Variants in PLA2G4F observed in about 807,000 individuals in gnomAD.
The protein encoded by PLA2G4F is phospholipase A2 group IVF.
A neutral mutation model predicts 103.1 loss-of-function variants in PLA2G4F; 105 were observed. The ratio of observed to expected loss-of-function variants is 1.02; its 90% CI spans 0.87 to 1.20. The LOEUF (loss-of-function observed/expected upper bound fraction) is 1.20. Among genes scored for constraint, PLA2G4F ranks in the 50% most tolerant of loss-of-function variants. The pLI, the probability that PLA2G4F is intolerant of heterozygous loss-of-function variation, is 0.00. For missense variants in PLA2G4F, 1,155 were observed against 1,075.9 expected, an observed-to-expected ratio of 1.07 and a Z score of -1.03; for synonymous variants, 468 against 441.1, an observed-to-expected ratio of 1.06 and a Z score of -0.76.
chr15:42,149,520 A>G (rs1414914249), intron 11 of PLA2G4F, 193 bp downstream of exon 11: 2 of 985,322 alleles, frequency 2.0e-6, no homozygotes, highest in Non-Finnish European at 2.4e-6. Flanking sequence ...GGCGGCCCAC[A>G]TAGACATCCA....
rs373649220 is a variant in PLA2G4F at position 42,144,966 on chromosome 15, A to G, written c.1781-322T>C. On this transcript the variant is annotated intron_variant, in intron 16 of 19. Transcript: ENST00000397272. The stretch of plus-strand genomic sequence containing the variant: ...ATTAAACACTGACTGAGCAATTACT[A>G]TGCCCAGCACTGCACTAGGCATGAG... Among the ~76,000 whole-genome samples, 11 of 152,366 alleles carry G rather than the reference A, an allele frequency of 7.2e-5. No individual in the cohort carries two copies. The East Asian group carries it at 1.2e-3, about 16-fold the overall frequency.
chr15:42,149,466 T>A, intron 11 of PLA2G4F: 7 of 976,606 alleles, frequency 7.2e-6, no homozygotes, highest in Non-Finnish European at 8.5e-6. Context: ...GAGAGAAAAG[T>A]CATTTCTGTC....
chr15:42,144,178 A>G (rs1211162002), intron 17 of PLA2G4F, 34 bp from the exon 18 acceptor site: 6 of 1,570,430 alleles, frequency 3.8e-6, no homozygotes, highest in Middle Eastern at 3.9e-4. Context: ...ACAGGGACGA[A>G]TGCAGTTACT....
rs753131894 is a variant in PLA2G4F, at chr15:42,150,709, G to C, written c.670C>G (p.Pro224Ala). 5.0e-6 allele frequency: 8 copies of C among 1,613,270 alleles called. No individual in the cohort carries two copies. The highest frequency in any genetic ancestry group is 2.2e-5 in the East Asian group (1 of 44,870). ...EKPQLLPLQPPTEPGLPPTFT... is the reference protein window; with the variant it reads ...EKPQLLPLQPATEPGLPPTFT... ...GTGGGTGGGAGGCCTGGCTCTGTGG[G>C]AGGCTGCAGGGGCAAGAGCTGTGGC... Residue 224 changes from proline (P) to alanine (A), a missense_variant, in exon 8 of 20, where the codon CCC becomes GCC. Physicochemically the swap from Pro to Ala is conservative, Grantham distance 27. Around this residue, in one of 3 missense-constraint regions of PLA2G4F, gnomAD observed 370 missense variants for 364.9 expected, o/e 1.01. Coordinates refer to ENST00000397272, the MANE Select transcript of PLA2G4F (RefSeq NM_213600.4).
In PLA2G4F at chr15:42,150,614, A is replaced by T. The variant is rs1330036863; in HGVS notation, c.765T>A (p.Ala255=). The part of the protein sequence containing the change: ...LHVELMELLA[A]VQSGPSAELE... ...ATCCTGGCGGCGCACTCACCTGCAC[A>T]GCTGCCAGCAGCTCCATCAGCTCCA... is the stretch of plus-strand genomic sequence containing the variant. The change falls in exon 8 of 20, where the codon GCT becomes GCA. Residue 255 remains alanine, a synonymous_variant. Coordinates refer to ENST00000397272, the MANE Select transcript of PLA2G4F (RefSeq NM_213600.4). 2.5e-6 allele frequency: 4 copies of T among 1,608,078 alleles called. No individual in the cohort carries two copies. The African/African-American group carries it at 5.3e-5, about 21-fold the overall frequency.
intron 7 of PLA2G4F, chr15:42,151,514 GCC>G: frequency 1.0e-6 from 1 of 985,254 alleles, no homozygotes; most frequent in Non-Finnish European, 1.2e-6. Context: ...AGGAGTCCCA[GCC>G]CCTAACACAA....
chr15:42,149,351 C>T (rs1398858790), intron 11 of PLA2G4F: 6 of 574,682 alleles, frequency 1.0e-5, no homozygotes, highest in Admixed American at 6.4e-5. Context: ...GGAAGGGCCA[C>T]ATGAGGACAT....
intron 19 of PLA2G4F, 77 bp from the exon 20 acceptor site, chr15:42,142,281 C>T (rs537934225): frequency 1.4e-6 from 2 of 1,390,826 alleles, no homozygotes; most frequent in African/African-American, 1.4e-5. Flanking sequence ...AGAAGTCTTC[C>T]TTGTGCAGGA....
rs139788907 is a variant in PLA2G4F, at chr15:42,144,039, A to G, written c.2081T>C (p.Leu694Pro). 199 of 1,613,938 alleles carry G rather than the reference A, an allele frequency of 1.2e-4. 1 individual carries two copies. Among genetic ancestry groups the G allele is most frequent in the Non-Finnish European group, 1.5e-4 (182 of 1,179,972 alleles). ...AINSPFPLAL[L>P]PQRAVDLILS... The stretch of plus-strand genomic sequence containing the variant: ...AATGAGGTCCACTGCTCTCTGAGGC[A>G]GCAGAGCCAGTGGGAACGGAGAGTT... The change falls in exon 18 of 20, where the codon CTG becomes CCG. Residue 694 changes from leucine to proline, a missense_variant. By Grantham distance (98) the Leu-to-Pro change is moderately conservative (BLOSUM62 -3). This residue lies in a region of PLA2G4F where 782 missense variants were observed against 692.9 expected (regional missense o/e 1.13). Transcript: ENST00000397272.
At chr15:42,144,288 TGCCTTCCA>T (rs1001864171) in intron 17 of PLA2G4F, 144 bp from the exon 18 acceptor site, 5 of 1,393,620 alleles carry the variant, frequency 3.6e-6, no homozygotes, top group African/African-American at 2.9e-5. Flanking sequence ...CCCTTGGCCC[TGCCTTCCA>T]GCTTCCAGCA....
Position 42,155,566 on chromosome 15 carries a change from G to A in PLA2G4F, c.135C>T (p.Asp45=). Residue 45 remains aspartate (D), a synonymous_variant, in exon 2 of 20, where the codon GAC becomes GAT. Coordinates refer to ENST00000397272, the MANE Select transcript of PLA2G4F (RefSeq NM_213600.4). ...TGGCCCTCAGCACCTTCACCTGGAG[G>A]TCATAGTATGGGTAGGTTTCCCGCT... is the stretch of plus-strand genomic sequence containing the variant. ...HWRRETYPYY[D]LQVKVLRATN... 6.2e-7 allele frequency: 1 copy of A among 1,614,072 alleles called. No homozygotes were observed. The highest frequency in any genetic ancestry group is 1.1e-5 in the South Asian group (1 of 91,084).
rs181310580 is a variant in PLA2G4F at position 42,150,596 on chromosome 15, C to G, written c.771+12G>C. ...GAGTTGGATCTACCGACCATCCTGGCGGCGCACTCACCTGCACAGCTGCCA... is the reference window on the plus strand; with the variant it reads ...GAGTTGGATCTACCGACCATCCTGGGGGCGCACTCACCTGCACAGCTGCCA... On this transcript the variant is annotated intron_variant, in intron 8 of 19. Transcript: ENST00000397272. The G allele has an allele frequency of 6.3e-7, 1 of 1,599,218 alleles. No homozygotes were observed.
intron 10 of PLA2G4F, 25 bp from the exon 11 acceptor site, chr15:42,149,873 G>T (rs1316619555): frequency 6.2e-7 from 1 of 1,611,488 alleles, no homozygotes; most frequent in Admixed American, 1.7e-5. Flanking sequence ...GTGGGGTGGC[G>T]GTGGGGGGTT....
At chr15:42,150,207 C>A in intron 9 of PLA2G4F, 66 bp from the exon 10 acceptor site, 1 of 1,604,078 alleles carries the variant, frequency 6.2e-7, no homozygotes, top group Non-Finnish European at 8.5e-7. Flanking sequence ...AATGGCTCCC[C>A]CACCTGCAGC....
At chr15:42,152,803 C>T in intron 6 of PLA2G4F, 49 bp from the exon 7 acceptor site, 3 of 1,526,558 alleles carry the variant, frequency 2.0e-6, no homozygotes, top group Non-Finnish European at 2.7e-6. Context: ...CGGCCCCAGC[C>T]AGGATGGAGA....
At chr15:42,152,862 C>T in intron 6 of PLA2G4F, 108 bp from the exon 7 acceptor site, 2 of 1,080,580 alleles carry the variant, frequency 1.9e-6, no homozygotes, top group Non-Finnish European at 1.3e-6. Context: ...ATGGCCCCAT[C>T]CAGGATGGAG....
intron 11 of PLA2G4F, chr15:42,148,925 C>T (rs1372169859): frequency 2.0e-6 from 2 of 985,310 alleles, no homozygotes; most frequent in African/African-American, 1.7e-5. Flanking sequence ...AGAGGGCATA[C>T]ATATTGCCCC....
rs1046054431 is a variant in PLA2G4F, at chr15:42,140,891, T to G, written c.*1093A>C. On this transcript the variant is annotated 3_prime_UTR_variant, in exon 20 of 20. Transcript: ENST00000397272. Reference sequence around the variant, plus strand: ...ATATGCTGCAGAGGCCGTGGCCAGATGGAGAGGGCCTGGCCAGAACGGGAT... The same window carrying G: ...ATATGCTGCAGAGGCCGTGGCCAGAGGGAGAGGGCCTGGCCAGAACGGGAT... The G allele has an allele frequency of 1.2e-5, 3 of 244,666 alleles. No individual in the cohort carries two copies. Among genetic ancestry groups the G allele is most frequent in the African/African-American group, 6.6e-5 (3 of 45,400 alleles). 15.2% of individuals were successfully genotyped at this position (244,666 alleles called of 1,614,324 possible). A position where few individuals can be genotyped will look rare whatever the true frequency, so the allele number is the denominator to read the frequency against.
intron 2 of PLA2G4F, 81 bp downstream of exon 2, chr15:42,155,434 ACT>A (rs147272656): frequency 0.031 from 43,761 of 1,414,096 alleles, 802 homozygotes; most frequent in Non-Finnish European, 0.036. Context: ...ACACACACAC[ACT>A]CTCTGTTAGC....
Sources: allele counts gnomAD v4.1 joint callset (sites outside exome capture counted in the v4.1 genomes callset), GRCh38; gene constraint gnomAD v4.1.1; regional missense constraint gnomAD v4.1.1; transcripts MANE v1.5; gene names NCBI Gene and HGNC (gene_info 2026-07-23, HGNC 2026-07-21).